DUSP21: variants seen among roughly 807,000 people sequenced by gnomAD.
DUSP21 encodes the protein dual specificity phosphatase 21, also known as dual specificity protein phosphatase 21.
For synonymous variants in DUSP21, 57 were observed against 68.9 expected, an observed-to-expected ratio of 0.83 and a Z score of 0.86; for missense variants, 156 against 165.8, an observed-to-expected ratio of 0.94 and a Z score of 0.32.
rs1253890949 is a variant in DUSP21 at position 44,844,241 on chromosome X, G to T, written c.109G>T (p.Ala37Ser). 8.3e-6 allele frequency: 10 copies of T among 1,208,525 alleles called. No homozygotes were observed. The Middle Eastern group carries it at 6.9e-4, about 83-fold the overall frequency. Residue 37 changes from alanine to serine, a missense_variant, in exon 1 of 1, where the codon GCC (alanine) becomes TCC (serine). By Grantham distance (99) the Ala-to-Ser change is moderately conservative. Transcript: ENST00000339042. Reference sequence around the variant, plus strand: ...CTTGTTTCTCAGCAATGGTGTGGCCGCCAACGACAAACTCCTTCTGTCCAG... The same window carrying T: ...CTTGTTTCTCAGCAATGGTGTGGCCTCCAACGACAAACTCCTTCTGTCCAG... ...RSLFLSNGVA[A>S]NDKLLLSSNR... is the part of the protein sequence containing the mutation.
rs754773412 is a variant in DUSP21 at position 44,844,462 on chromosome X, G to A, written c.330G>A (p.Val110=). 25 of 1,208,858 alleles carry A rather than the reference G, an allele frequency of 2.1e-5. No homozygotes were observed. The South Asian group carries it at 4.4e-4, about 21-fold the overall frequency. The part of the protein sequence containing the change: ...GRTLLHCMAG[V]SRSASLCLAY... ...CGCTGCTGCACTGCATGGCTGGAGT[G>A]AGCCGTTCCGCCTCACTGTGCCTTG... Residue 110 remains valine, a synonymous_variant, in exon 1 of 1, where the codon GTG becomes GTA. Transcript: ENST00000339042.
rs2030198599 is a variant in DUSP21, at chrX:44,844,748, C to T, written c.*43C>T. The stretch of plus-strand genomic sequence containing the variant: ...CTGACATCTGCCATCGATCTTGCAC[C>T]AAGACTGAACTTGAACACTGACATT... On this transcript the variant is annotated 3_prime_UTR_variant, in exon 1 of 1. Coordinates refer to ENST00000339042, the MANE Select transcript of DUSP21 (RefSeq NM_022076.4). The T allele has an allele frequency of 3.6e-6, 4 of 1,115,503 alleles. No individual in the cohort carries two copies. The highest frequency in any genetic ancestry group is 4.8e-6 in the Non-Finnish European group (4 of 829,952). The allele number at this position is 1,115,503 out of a possible 1,213,427, so 91.9% of individuals were successfully genotyped here. A position where few individuals can be genotyped will look rare whatever the true frequency, so the allele number is the denominator to read the frequency against.
Position 44,844,117 on chromosome X carries a change from C to G in DUSP21, c.-16C>G, listed in dbSNP as rs745750810. On this transcript the variant is annotated 5_prime_UTR_variant, in exon 1 of 1. Transcript: ENST00000339042. Reference sequence around the variant, plus strand: ...GTCCCGAACCAGCGTAGAGAGACCTCGGACCAGCCGCCTTGATGACAGCAT... The same window carrying G: ...GTCCCGAACCAGCGTAGAGAGACCTGGGACCAGCCGCCTTGATGACAGCAT... The G allele has an allele frequency of 3.9e-5, 46 of 1,194,454 alleles. No homozygotes were observed. The highest frequency in any genetic ancestry group is 4.1e-5 in the Non-Finnish European group (36 of 887,322).
Position 44,844,057 on chromosome X carries a change from C to T in DUSP21, c.-76C>T. Reference sequence around the variant, plus strand: ...ACACCTAGCCTGAGACTTGGCGGCGCGGCTGCTATCCTGAACTAGCTTGGT... The same window carrying T: ...ACACCTAGCCTGAGACTTGGCGGCGTGGCTGCTATCCTGAACTAGCTTGGT... On this transcript the variant is annotated 5_prime_UTR_variant, in exon 1 of 1. Transcript: ENST00000339042. 2 of 1,006,129 alleles carry T rather than the reference C, an allele frequency of 2.0e-6. No individual in the cohort carries two copies. The highest frequency in any genetic ancestry group is 2.7e-6 in the Non-Finnish European group (2 of 752,206). 82.9% of individuals were successfully genotyped at this position (1,006,129 alleles called of 1,213,427 possible).
Position 44,844,796 on chromosome X carries a change from G to A in DUSP21, c.*91G>A. On this transcript the variant is annotated 3_prime_UTR_variant, in exon 1 of 1. Coordinates refer to ENST00000339042, the MANE Select transcript of DUSP21 (RefSeq NM_022076.4). ...ATTTTGTTAGTAAAGAAAACCGGAT[G>A]GTGCCTTGTTAAAGGGCAAGAAAAA... 1.1e-6 allele frequency: 1 copy of A among 942,395 alleles called. No homozygotes were observed. The allele number at this position is 942,395 out of a possible 1,213,427, so 77.7% of individuals were successfully genotyped here.
chrX:44,844,361 C>T lies in DUSP21; in HGVS notation c.229C>T (p.Arg77Cys), dbSNP rs767788882. Residue 77 changes from arginine (R) to cysteine (C), a missense_variant, in exon 1 of 1, where the codon CGT (arginine) becomes TGT (cysteine). Arg to Cys is a radical substitution (Grantham distance 180). Transcript: ENST00000339042. ...CATAAAGGTGCCTGTTACCGATGCTCGTGACTCGCGTCTCTACGACTTTTT... is the reference window on the plus strand; with the variant it reads ...CATAAAGGTGCCTGTTACCGATGCTTGTGACTCGCGTCTCTACGACTTTTT... Reference protein sequence around the residue: ...QYIKVPVTDARDSRLYDFFDP... With the variant: ...QYIKVPVTDACDSRLYDFFDP... 4.1e-6 allele frequency: 5 copies of T among 1,209,215 alleles called. No homozygotes were observed. Among genetic ancestry groups the T allele is most frequent in the African/African-American group, 1.8e-5 (1 of 56,984 alleles).
At position 44,844,685 on chromosome X, in the gene DUSP21, C is replaced by A. The variant is rs1396302749; in HGVS notation, c.553C>A (p.Arg185Ser). 4.2e-6 allele frequency: 5 copies of A among 1,201,070 alleles called. No individual in the cohort carries two copies. Among genetic ancestry groups the A allele is most frequent in the South Asian group, 1.8e-5 (1 of 55,259 alleles). ...NIPDIYEKDL[R>S]MMISM ...CCCTGACATCTATGAGAAGGACCTACGTATGATGATATCAATGTAAGCCAT... is the reference window on the plus strand; with the variant it reads ...CCCTGACATCTATGAGAAGGACCTAAGTATGATGATATCAATGTAAGCCAT... Residue 185 changes from arginine to serine, a missense_variant, in exon 1 of 1, where the codon CGT becomes AGT. By Grantham distance (110) the Arg-to-Ser change is moderately radical. Coordinates refer to ENST00000339042, the MANE Select transcript of DUSP21 (RefSeq NM_022076.4).
In DUSP21 at chrX:44,844,342, G is replaced by A; in HGVS notation, c.210G>A (p.Lys70=). 8.3e-7 allele frequency: 1 copy of A among 1,211,523 alleles called. No individual in the cohort carries two copies. The highest frequency in any genetic ancestry group is 1.1e-6 in the Non-Finnish European group (1 of 895,513). Residue 70 remains lysine, a synonymous_variant, in exon 1 of 1, where the codon AAG becomes AAA. Transcript: ENST00000339042. The part of the protein sequence containing the change: ...NVFFEGIQYI[K]VPVTDARDSR... ...TCTTCGAGGGCATTCAGTACATAAA[G>A]GTGCCTGTTACCGATGCTCGTGACT...
rs2030181888 is a variant in DUSP21 at position 44,844,153 on chromosome X, CT to C, written c.25del (p.Ser9HisfsTer17). Reference sequence around the variant, plus strand: ...CCTTGATGACAGCATCCGCGTCCTCCTTTTCATCATCTCAGGGTGTCCAGCA... The same window carrying C: ...CCTTGATGACAGCATCCGCGTCCTCCTTTCATCATCTCAGGGTGTCCAGCA... MTASASS[F>X]SSSQGVQQPS... On this transcript the variant is annotated frameshift_variant, in exon 1 of 1. Transcript: ENST00000339042. LOFTEE classifies it low-confidence loss of function (END_TRUNC). 1 of 1,210,135 alleles carries C rather than the reference CT, an allele frequency of 8.3e-7. No individual in the cohort carries two copies. Among genetic ancestry groups the C allele is most frequent in the Non-Finnish European group, 1.1e-6 (1 of 894,603 alleles).
Position 44,844,021 on chromosome X carries a change from C to A in DUSP21, c.-112C>A, listed in dbSNP as rs746275952. ...AGAGGGTGGTGGCCGATAGCTGGTC[C>A]TCTTTCTCCAACACCTAGCCTGAGA... On this transcript the variant is annotated 5_prime_UTR_variant, in exon 1 of 1. Coordinates refer to ENST00000339042, the MANE Select transcript of DUSP21 (RefSeq NM_022076.4). 5 of 727,426 alleles carry A rather than the reference C, an allele frequency of 6.9e-6. No individual in the cohort carries two copies. The highest frequency in any genetic ancestry group is 4.3e-5 in the African/African-American group (2 of 46,209). 59.9% of individuals were successfully genotyped at this position (727,426 alleles called of 1,213,427 possible). A position where few individuals can be genotyped will look rare whatever the true frequency, so the allele number is the denominator to read the frequency against.
Position 44,844,073 on chromosome X carries a change from C to G in DUSP21, c.-60C>G. ...TTGGCGGCGCGGCTGCTATCCTGAA[C>G]TAGCTTGGTAAGTGTTGTGTCCCGA... On this transcript the variant is annotated 5_prime_UTR_variant, in exon 1 of 1. Coordinates refer to ENST00000339042, the MANE Select transcript of DUSP21 (RefSeq NM_022076.4). 1 of 1,105,462 alleles carries G rather than the reference C, an allele frequency of 9.0e-7. No homozygotes were observed. Among genetic ancestry groups the G allele is most frequent in the East Asian group, 3.0e-5 (1 of 33,014 alleles). The allele number at this position is 1,105,462 out of a possible 1,213,427, so 91.1% of individuals were successfully genotyped here. A position where few individuals can be genotyped will look rare whatever the true frequency, so the allele number is the denominator to read the frequency against.
Position 44,844,373 on chromosome X carries a change from C to T in DUSP21, c.241C>T (p.Leu81Phe), listed in dbSNP as rs757466680. 8.3e-7 allele frequency: 1 copy of T among 1,211,643 alleles called. No individual in the cohort carries two copies. The highest frequency in any genetic ancestry group is 1.8e-5 in the South Asian group (1 of 56,970). The change falls in exon 1 of 1, where the codon CTC (leucine) becomes TTC (phenylalanine). Residue 81 changes from leucine (L) to phenylalanine (F), a missense_variant. Coordinates refer to ENST00000339042, the MANE Select transcript of DUSP21 (RefSeq NM_022076.4). ...TGTTACCGATGCTCGTGACTCGCGT[C>T]TCTACGACTTTTTTGACCCCATTGC... is the stretch of plus-strand genomic sequence containing the variant. The part of the protein sequence containing the change: ...VPVTDARDSR[L>F]YDFFDPIADL...
Position 44,844,183 on chromosome X carries a change from C to T in DUSP21, c.51C>T (p.Pro17=), listed in dbSNP as rs1225508935. The change falls in exon 1 of 1, where the codon CCC becomes CCT. Residue 17 remains proline (P), a synonymous_variant. Transcript: ENST00000339042. ...SFSSSQGVQQ[P]SIYSFSQITR... ...CATCATCTCAGGGTGTCCAGCAGCC[C>T]TCCATCTACAGCTTCTCCCAAATAA... is the stretch of plus-strand genomic sequence containing the variant. 3 of 1,209,463 alleles carry T rather than the reference C, an allele frequency of 2.5e-6. No individual in the cohort carries two copies. The African/African-American group carries it at 5.3e-5, about 21-fold the overall frequency.
At position 44,844,091 on chromosome X, in the gene DUSP21, T is replaced by G. The variant is rs745613653; in HGVS notation, c.-42T>G. The G allele has an allele frequency of 1.4e-4, 164 of 1,146,541 alleles. No homozygotes were observed. The highest frequency in any genetic ancestry group is 1.8e-4 in the Non-Finnish European group (157 of 856,396). 94.5% of individuals were successfully genotyped at this position (1,146,541 alleles called of 1,213,427 possible). On this transcript the variant is annotated 5_prime_UTR_variant, in exon 1 of 1. Transcript: ENST00000339042. ...TCCTGAACTAGCTTGGTAAGTGTTG[T>G]GTCCCGAACCAGCGTAGAGAGACCT...
chrX:44,844,811 G>A lies in DUSP21; in HGVS notation c.*106G>A, dbSNP rs1396535302. 7.3e-6 allele frequency: 6 copies of A among 826,500 alleles called. No homozygotes were observed. The African/African-American group carries it at 8.5e-5, about 12-fold the overall frequency. 68.1% of individuals were successfully genotyped at this position (826,500 alleles called of 1,213,427 possible). Reference sequence around the variant, plus strand: ...AAAACCGGATGGTGCCTTGTTAAAGGGCAAGAAAAAAGGGAGGGGGTTGGA... The same window carrying A: ...AAAACCGGATGGTGCCTTGTTAAAGAGCAAGAAAAAAGGGAGGGGGTTGGA... On this transcript the variant is annotated 3_prime_UTR_variant, in exon 1 of 1. Transcript: ENST00000339042.
In DUSP21 at chrX:44,844,764, C is replaced by T; in HGVS notation, c.*59C>T. The T allele has an allele frequency of 9.3e-7, 1 of 1,078,218 alleles. No homozygotes were observed. The highest frequency in any genetic ancestry group is 1.2e-6 in the Non-Finnish European group (1 of 800,802). The allele number at this position is 1,078,218 out of a possible 1,213,427, so 88.9% of individuals were successfully genotyped here. A position where few individuals can be genotyped will look rare whatever the true frequency, so the allele number is the denominator to read the frequency against. On this transcript the variant is annotated 3_prime_UTR_variant, in exon 1 of 1. Transcript: ENST00000339042. ...ATCTTGCACCAAGACTGAACTTGAA[C>T]ACTGACATTTTGTTAGTAAAGAAAA...
rs373370889 is a variant in DUSP21, at chrX:44,844,417, C to T, written c.285C>T (p.Ile95=). ...CCATTGCTGATCTTATCCACACCAT[C>T]GATATGAGGCAGGGCCGTACGCTGC... ...FDPIADLIHT[I]DMRQGRTLLH... The change falls in exon 1 of 1, where the codon ATC becomes ATT. Residue 95 remains isoleucine, a synonymous_variant. Coordinates refer to ENST00000339042, the MANE Select transcript of DUSP21 (RefSeq NM_022076.4). The T allele has an allele frequency of 6.6e-6, 8 of 1,209,020 alleles. No homozygotes were observed. The South Asian group carries it at 8.8e-5, about 13-fold the overall frequency.
chrX:44,844,606 C>A lies in DUSP21; in HGVS notation c.474C>A (p.Phe158Leu), dbSNP rs762564661. 11 of 1,211,429 alleles carry A rather than the reference C, an allele frequency of 9.1e-6. No individual in the cohort carries two copies. Among genetic ancestry groups the A allele is most frequent in the Non-Finnish European group, 1.2e-5 (11 of 895,475 alleles). ...GFWEQLINYE[F>L]KLFNNNTVRM... is the part of the protein sequence containing the mutation. ...GGGAACAGCTCATCAATTACGAATT[C>A]AAGCTGTTTAATAACAACACCGTGC... Residue 158 changes from phenylalanine to leucine, a missense_variant, in exon 1 of 1, where the codon TTC becomes TTA. Phe to Leu is a conservative substitution (Grantham distance 22). Coordinates refer to ENST00000339042, the MANE Select transcript of DUSP21 (RefSeq NM_022076.4).
At position 44,844,791 on chromosome X, in the gene DUSP21, C is replaced by A; in HGVS notation, c.*86C>A. 5.2e-6 allele frequency: 5 copies of A among 956,241 alleles called. No individual in the cohort carries two copies. The highest frequency in any genetic ancestry group is 3.1e-5 in the East Asian group (1 of 31,900). The allele number at this position is 956,241 out of a possible 1,213,427, so 78.8% of individuals were successfully genotyped here. On this transcript the variant is annotated 3_prime_UTR_variant, in exon 1 of 1. Transcript: ENST00000339042. Reference sequence around the variant, plus strand: ...CTGACATTTTGTTAGTAAAGAAAACCGGATGGTGCCTTGTTAAAGGGCAAG... The same window carrying A: ...CTGACATTTTGTTAGTAAAGAAAACAGGATGGTGCCTTGTTAAAGGGCAAG...
Sources: allele counts gnomAD v4.1 joint callset, GRCh38; gene constraint gnomAD v4.1.1; transcripts MANE v1.5; gene names NCBI Gene and HGNC (gene_info 2026-07-23, HGNC 2026-07-21).